KCNMB2: variants seen among roughly 807,000 people sequenced by gnomAD.
KCNMB2 encodes the protein calcium-activated potassium channel subunit beta-2.
Under a neutral mutation model 24.5 loss-of-function variants are expected in KCNMB2, and 9 were observed. That is an observed-to-expected ratio of 0.37 (90% confidence interval 0.22 to 0.64). The LOEUF (loss-of-function observed/expected upper bound fraction) is 0.64. Ranked by LOEUF, KCNMB2 falls within the 30% of genes least tolerant of loss-of-function variation. The pLI, the probability that KCNMB2 is intolerant of heterozygous loss-of-function variation, is 0.63. For missense variants in KCNMB2, 226 were observed against 284.3 expected, an observed-to-expected ratio of 0.79 and a Z score of 1.47; for synonymous variants, 109 against 104.4, an observed-to-expected ratio of 1.04 and a Z score of -0.27.
chr3:178,799,415 G>T (rs1157212394), intron 1 of KCNMB2, among the ~76,000 whole-genome samples: 1 of 151,892 alleles, frequency 6.6e-6, no homozygotes, highest in Non-Finnish European at 1.5e-5. Flanking sequence ...AATTAAGAAA[G>T]TAATTCCACT....
intron 1 of KCNMB2, among the ~76,000 whole-genome samples, chr3:178,796,087 T>C (rs1437526553): frequency 6.6e-6 from 1 of 152,102 alleles, no homozygotes; most frequent in African/African-American, 2.4e-5. Flanking sequence ...GATACTATCT[T>C]ATATTATAAT....
intron 1 of KCNMB2, among the ~76,000 whole-genome samples, chr3:178,800,474 A>G (rs1006825207): frequency 1.3e-5 from 2 of 152,204 alleles, no homozygotes; most frequent in Admixed American, 6.5e-5. Flanking sequence ...AACTACAATG[A>G]GATATCGTCT....
chr3:178,842,688 A>C lies in KCNMB2; in HGVS notation c.459A>C (p.Glu153Asp). Residue 153 changes from glutamate (E) to aspartate (D), a missense_variant, in exon 5 of 5, where the codon GAA becomes GAC. Coordinates refer to ENST00000452583, the MANE Select transcript of KCNMB2 (RefSeq NM_181361.3). ...SYIPKCGKNF[E>D]ESMSLVNVVM... ...TACCTAAATGTGGAAAAAATTTTGA[A>C]GAATCCATGTCCCTGGTGAATGTTG... 1 of 1,612,976 alleles carries C rather than the reference A, an allele frequency of 6.2e-7. No individual in the cohort carries two copies. Among genetic ancestry groups the C allele is most frequent in the Non-Finnish European group, 8.5e-7 (1 of 1,178,992 alleles).
chr3:178,718,216 G>A (rs1048672020), intron 1 of KCNMB2, among the ~76,000 whole-genome samples: 3 of 152,110 alleles, frequency 2.0e-5, no homozygotes, highest in African/African-American at 7.2e-5. Flanking sequence ...CAGGTATTTG[G>A]GATACAAGCG....
chr3:178,573,234 C>G (rs534290479), intron 1 of KCNMB2, among the ~76,000 whole-genome samples: 3 of 152,026 alleles, frequency 2.0e-5, no homozygotes, highest in African/African-American at 7.2e-5. Flanking sequence ...GTCTCGAATT[C>G]CTGACCTCAG....
At chr3:178,712,498 TC>T in intron 1 of KCNMB2, among the ~76,000 whole-genome samples, 1 of 152,196 alleles carries the variant, frequency 6.6e-6, no homozygotes, top group Non-Finnish European at 1.5e-5. Flanking sequence ...GAGTTCTGGC[TC>T]TTGTAGCATG....
chr3:178,753,683 A>C (rs951723401), intron 1 of KCNMB2, among the ~76,000 whole-genome samples: 1 of 152,178 alleles, frequency 6.6e-6, no homozygotes, highest in Admixed American at 6.5e-5. Flanking sequence ...ACTAAAAAGT[A>C]TATATATTTA....
chr3:178,773,163 T>C (rs1161062717), intron 1 of KCNMB2, among the ~76,000 whole-genome samples: 3 of 152,154 alleles, frequency 2.0e-5, no homozygotes, highest in Admixed American at 2.0e-4. Flanking sequence ...TTTACTGAGT[T>C]AGGAGTAGGA....
At chr3:178,702,474 A>C (rs1230669909) in intron 1 of KCNMB2, among the ~76,000 whole-genome samples, 1 of 151,592 alleles carries the variant, frequency 6.6e-6, no homozygotes, top group Non-Finnish European at 1.5e-5. Flanking sequence ...ACATAAAAAT[A>C]AATAAATAAA....
At chr3:178,742,356 C>T (rs1723522561) in intron 1 of KCNMB2, among the ~76,000 whole-genome samples, 1 of 152,172 alleles carries the variant, frequency 6.6e-6, no homozygotes, top group African/African-American at 2.4e-5. Context: ...CCCCTCTGAT[C>T]TGAGGCTTAT....
chr3:178,771,255 T>A, intron 1 of KCNMB2, among the ~76,000 whole-genome samples: 1 of 151,988 alleles, frequency 6.6e-6, no homozygotes, highest in East Asian at 1.9e-4. Flanking sequence ...AAATACAATG[T>A]CAAAATGGGT....
intron 1 of KCNMB2, among the ~76,000 whole-genome samples, chr3:178,718,562 C>A (rs933077090): frequency 6.6e-6 from 1 of 152,174 alleles, no homozygotes. Context: ...TTACCCAAGA[C>A]AAGTCATTTT....
intron 1 of KCNMB2, among the ~76,000 whole-genome samples, chr3:178,699,998 T>G (rs933944694): frequency 6.6e-6 from 1 of 152,212 alleles, no homozygotes; most frequent in Non-Finnish European, 1.5e-5. Context: ...CAGTGTGCAA[T>G]GGCCCATGCA....
At chr3:178,730,722 C>T (rs1188075481) in intron 1 of KCNMB2, among the ~76,000 whole-genome samples, 1 of 152,180 alleles carries the variant, frequency 6.6e-6, no homozygotes, top group Non-Finnish European at 1.5e-5. Flanking sequence ...CAATGGCCTT[C>T]ATTCTGATCT....
intron 1 of KCNMB2, among the ~76,000 whole-genome samples, chr3:178,608,015 A>G (rs1162099619): frequency 6.6e-6 from 1 of 152,232 alleles, no homozygotes; most frequent in African/African-American, 2.4e-5. Context: ...ATGTGAGTTT[A>G]TATTTTGAAT....
At chr3:178,729,277 C>A (rs554294489) in intron 1 of KCNMB2, 2 of 152,220 alleles carry the variant, frequency 1.3e-5, no homozygotes, top group Admixed American at 1.3e-4. Flanking sequence ...GTCTAGGTCT[C>A]ATCAGCTTTT....
intron 1 of KCNMB2, among the ~76,000 whole-genome samples, chr3:178,571,892 A>G (rs1341574841): frequency 6.6e-6 from 1 of 152,126 alleles, no homozygotes. Context: ...ATAGTATTCT[A>G]TGATATACAT....
At chr3:178,593,397 A>G (rs901555421) in intron 1 of KCNMB2, among the ~76,000 whole-genome samples, 1 of 152,072 alleles carries the variant, frequency 6.6e-6, no homozygotes, top group African/African-American at 2.4e-5. Flanking sequence ...GAAATCCACA[A>G]TTAAACATGC....
intron 1 of KCNMB2, among the ~76,000 whole-genome samples, chr3:178,792,632 T>C (rs1713369208): frequency 6.6e-6 from 1 of 152,020 alleles, no homozygotes; most frequent in Non-Finnish European, 1.5e-5. Context: ...AGTGGCTGAA[T>C]GGATTTAAAA....
Sources: gnomAD v4.1 joint callset for allele counts (sites outside exome capture counted in the v4.1 genomes callset) on GRCh38, gnomAD v4.1.1 for gene constraint, MANE v1.5 for transcripts, NCBI Gene and HGNC (gene_info 2026-07-23, HGNC 2026-07-21) for gene names.